PHF2: variants seen among roughly 807,000 people sequenced by gnomAD.
The protein encoded by PHF2 is PHD finger protein 2.
Under a neutral mutation model 120.5 loss-of-function variants are expected in PHF2, and 27 were observed. That is an observed-to-expected ratio of 0.22 (90% CI 0.17 to 0.31). PHF2 has a LOEUF of 0.31. Ranked by LOEUF, PHF2 falls within the 10% of genes least tolerant of loss-of-function variation. The pLI, the probability that PHF2 is intolerant of heterozygous loss-of-function variation, is 1.00. For synonymous variants in PHF2, 568 were observed against 592.5 expected (o/e 0.96, Z 0.60); for missense variants, 1,024 against 1,434.8 (o/e 0.71, Z 4.63).
chr9:93,576,745 G>C lies in PHF2; in HGVS notation c.-29G>C. On this transcript the variant is annotated 5_prime_UTR_variant, in exon 1 of 22. Coordinates refer to ENST00000359246, the MANE Select transcript of PHF2 (RefSeq NM_005392.4). ...GGACCGACCCGGGCAGCGCAGCGGC[G>C]GGGCCGAGCGGCGGCGCGGCGCGGC... The C allele has an allele frequency of 8.9e-7, 1 of 1,128,452 alleles. No individual in the cohort carries two copies. Among genetic ancestry groups the C allele is most frequent in the Non-Finnish European group, 1.1e-6 (1 of 891,332 alleles). The allele number at this position is 1,128,452 out of a possible 1,614,324, so 69.9% of individuals were successfully genotyped here.
In PHF2 at chr9:93,660,090, C is replaced by T. The variant is rs74558925; in HGVS notation, c.1330-102C>T. ...GAGCCTTTCTGGGCTGATAGTTCCC[C>T]GCCAGCCTGGCACTGAGTGTCTCCA... is the stretch of plus-strand genomic sequence containing the variant. On this transcript the variant is annotated intron_variant, in intron 11 of 21. Transcript: ENST00000359246. 2.2e-4 allele frequency: 303 copies of T among 1,389,278 alleles called. No individual in the cohort carries two copies. The East Asian group carries it at 6.7e-3, about 31-fold the overall frequency. The allele number at this position is 1,389,278 out of a possible 1,614,324, so 86.1% of individuals were successfully genotyped here.
At position 93,653,356 on chromosome 9, in the gene PHF2, C is replaced by T. The variant is rs539206245; in HGVS notation, c.780C>T (p.His260=). Reference sequence around the variant, plus strand: ...CTGGGGGCGCCTCTGCCTGGTACCACGTGCTCAAGGTGAGCCACGCCCCTC... The same window carrying T: ...CTGGGGGCGCCTCTGCCTGGTACCATGTGCTCAAGGTGAGCCACGCCCCTC... The part of the protein sequence containing the change: ...IDSGGASAWY[H]VLKGEKTFYL... Residue 260 remains histidine (H), a synonymous_variant, in exon 6 of 22, where the codon CAC becomes CAT. Transcript: ENST00000359246. 5.8e-5 allele frequency: 94 copies of T among 1,613,480 alleles called. No homozygotes were observed. The South Asian group carries it at 7.6e-4, about 13-fold the overall frequency.
chr9:93,671,492 A>T (rs1156718187), intron 17 of PHF2, among the ~76,000 whole-genome samples: 5 of 94,970 alleles, frequency 5.3e-5, no homozygotes, highest in African/African-American at 8.5e-5. Context: ...GGGAGTAGGT[A>T]CAGGTGTAGA....
In PHF2 at chr9:93,649,220, C is replaced by T. The variant is rs1564394080; in HGVS notation, c.602+8C>T. 2 of 1,485,272 alleles carry T rather than the reference C, an allele frequency of 1.3e-6. No homozygotes were observed. The highest frequency in any genetic ancestry group is 9.1e-7 in the Non-Finnish European group (1 of 1,098,224). The allele number at this position is 1,485,272 out of a possible 1,614,324, so 92.0% of individuals were successfully genotyped here. The stretch of plus-strand genomic sequence containing the variant: ...CGAGTTCTCTGACACCCGGTGAGTG[C>T]TACCACCCTGGGGGTGTGGGGGCTG... On this transcript the variant is annotated splice_region_variant and intron_variant, in intron 5 of 21. Transcript: ENST00000359246.
rs1826931895 is a variant in PHF2, at chr9:93,677,086, G to C, written c.3202+123G>C. The C allele has an allele frequency of 8.4e-6, 9 of 1,069,008 alleles. No individual in the cohort carries two copies. Among genetic ancestry groups the C allele is most frequent in the Non-Finnish European group, 1.2e-5 (9 of 761,806 alleles). The allele number at this position is 1,069,008 out of a possible 1,614,324, so 66.2% of individuals were successfully genotyped here. ...ACATTGGGAGGGCTCCTGGGCCTTG[G>C]GTGGCAGGGTGCTGTGGTCCAAGTT... On this transcript the variant is annotated intron_variant, in intron 21 of 21. Transcript: ENST00000359246. This position sits in a 1 kb window ranked among gnomAD's most constrained non-coding sequence, Gnocchi z 4.4.
chr9:93,612,704 G>A (rs998992118), intron 1 of PHF2, among the ~76,000 whole-genome samples: 8 of 152,204 alleles, frequency 5.3e-5, no homozygotes, highest in African/African-American at 1.9e-4. Context: ...TTTATTTTGA[G>A]TCTTGATGTT....
intron 17 of PHF2, 29 bp from the exon 18 acceptor site, chr9:93,673,556 G>A: frequency 6.5e-7 from 1 of 1,532,344 alleles, no homozygotes; most frequent in Non-Finnish European, 8.8e-7. Flanking sequence ...AGAGCACTGG[G>A]CTGAGTGCCT....
At chr9:93,593,565 T>G (rs557383020) in intron 1 of PHF2, among the ~76,000 whole-genome samples, 1 of 152,348 alleles carries the variant, frequency 6.6e-6, no homozygotes, top group African/African-American at 2.4e-5. Context: ...ATCTGTAATA[T>G]CTGTTAAAAA....
intron 1 of PHF2, among the ~76,000 whole-genome samples, chr9:93,608,802 C>T (rs887785156): frequency 1.3e-5 from 2 of 151,670 alleles, no homozygotes; most frequent in African/African-American, 4.8e-5. Flanking sequence ...CATAGTTGGT[C>T]CTTGTTTTTT....
At chr9:93,654,019 C>A (rs2117937744) in intron 6 of PHF2, among the ~76,000 whole-genome samples, 1 of 152,256 alleles carries the variant, frequency 6.6e-6, no homozygotes, top group East Asian at 1.9e-4. Flanking sequence ...TGGTGCAGAA[C>A]CCCTCCTGGG....
At position 93,660,222 on chromosome 9, in the gene PHF2, A is replaced by C. The variant is rs1282776058; in HGVS notation, c.1360A>C (p.Asn454His). The C allele has an allele frequency of 6.3e-7, 1 of 1,587,134 alleles. No individual in the cohort carries two copies. The highest frequency in any genetic ancestry group is 8.5e-7 in the Non-Finnish European group (1 of 1,170,656). Residue 454 changes from asparagine to histidine, a missense_variant, in exon 12 of 22, where the codon AAT becomes CAT. Coordinates refer to ENST00000359246, the MANE Select transcript of PHF2 (RefSeq NM_005392.4). ...NASKAVRPEVNTVASSDEVCD... is the reference protein window; with the variant it reads ...NASKAVRPEVHTVASSDEVCD... ...CTCCAAAGCCGTCCGACCGGAAGTGAATACTGTCGCCTCGTCAGATGAGGT... is the reference window on the plus strand; with the variant it reads ...CTCCAAAGCCGTCCGACCGGAAGTGCATACTGTCGCCTCGTCAGATGAGGT...
At chr9:93,613,814 G>A (rs1201767845) in intron 1 of PHF2, among the ~76,000 whole-genome samples, 4 of 152,060 alleles carry the variant, frequency 2.6e-5, no homozygotes, top group Non-Finnish European at 5.9e-5. Flanking sequence ...CAAGTATCAA[G>A]GATACCACCT....
chr9:93,614,130 C>T (rs1004353438), intron 1 of PHF2, among the ~76,000 whole-genome samples: 1 of 152,246 alleles, frequency 6.6e-6, no homozygotes, highest in African/African-American at 2.4e-5. Context: ...CCATGGCCAC[C>T]TCCCTCTAGA....
intron 3 of PHF2, among the ~76,000 whole-genome samples, chr9:93,636,744 TG>T (rs1826100313): frequency 6.6e-6 from 1 of 152,142 alleles, no homozygotes. Flanking sequence ...AGCACTTCCC[TG>T]GGGGTGGGGG....
rs1285041929 is a variant in PHF2 at position 93,679,230 on chromosome 9, C to T, written c.*1554C>T. The T allele has an allele frequency of 4.4e-6, 2 of 456,204 alleles. No homozygotes were observed. Among genetic ancestry groups the T allele is most frequent in the Admixed American group, 2.3e-5 (1 of 42,558 alleles). The allele number at this position is 456,204 out of a possible 1,614,324, so 28.3% of individuals were successfully genotyped here. A position where few individuals can be genotyped will look rare whatever the true frequency, so the allele number is the denominator to read the frequency against. On this transcript the variant is annotated 3_prime_UTR_variant, in exon 22 of 22. Transcript: ENST00000359246. ...GAGGCAGCTTGGTGGAGGCCTTATC[C>T]ACTCCCACTTGTCCTGTTTGGAGGG...
Position 93,649,738 on chromosome 9 carries a change from ACT to A in PHF2, c.602+529_602+530del, listed in dbSNP as rs200442189. Among the ~76,000 whole-genome samples the A allele has an allele frequency of 3.9e-3, 593 of 151,846 alleles. 6 individuals are homozygous for A. Among genetic ancestry groups the A allele is most frequent in the African/African-American group, 0.014 (580 of 41,406 alleles). On this transcript the variant is annotated intron_variant, in intron 5 of 21. Transcript: ENST00000359246. The stretch of plus-strand genomic sequence containing the variant: ...CTCCAATGCATGAGACATTCATGAC[ACT>A]CTGACCCTCACATTCGCTCATGGAC...
chr9:93,668,276 G>A (rs1826718720), intron 17 of PHF2, among the ~76,000 whole-genome samples: 1 of 152,192 alleles, frequency 6.6e-6, no homozygotes, highest in Admixed American at 6.5e-5. Flanking sequence ...TCCTGTCCAT[G>A]TTAAGCCCCT....
chr9:93,633,551 G>A (rs1446081127), intron 2 of PHF2, among the ~76,000 whole-genome samples: 8 of 152,200 alleles, frequency 5.3e-5, no homozygotes, highest in South Asian at 2.1e-4. Flanking sequence ...CTCATGCTCC[G>A]CATGTGGCTC....
rs771128863 is a variant in PHF2 at position 93,660,217 on chromosome 9, A to C, written c.1355A>C (p.Glu452Ala). The C allele has an allele frequency of 1.3e-6, 2 of 1,581,576 alleles. No individual in the cohort carries two copies. The highest frequency in any genetic ancestry group is 1.9e-5 in the Admixed American group (1 of 52,350). ...SENASKAVRP[E>A]VNTVASSDEV... is the part of the protein sequence containing the mutation. ...AATGCCTCCAAAGCCGTCCGACCGGAAGTGAATACTGTCGCCTCGTCAGAT... is the reference window on the plus strand; with the variant it reads ...AATGCCTCCAAAGCCGTCCGACCGGCAGTGAATACTGTCGCCTCGTCAGAT... Residue 452 changes from glutamate (E) to alanine (A), a missense_variant, in exon 12 of 22, where the codon GAA (glutamate) becomes GCA (alanine). Coordinates refer to ENST00000359246, the MANE Select transcript of PHF2 (RefSeq NM_005392.4).
Sources: allele counts gnomAD v4.1 joint callset (sites outside exome capture counted in the v4.1 genomes callset), GRCh38; gene constraint gnomAD v4.1.1; non-coding constraint Gnocchi (gnomAD v3.1); transcripts MANE v1.5; gene names NCBI Gene and HGNC (gene_info 2026-07-23, HGNC 2026-07-21).